CTSL: variants seen among roughly 807,000 people sequenced by gnomAD.
CTSL encodes cathepsin L, also known as procathepsin L.
A neutral mutation model predicts 34.7 loss-of-function variants in CTSL; 23 were observed. That is an observed-to-expected ratio of 0.66 (90% CI 0.48 to 0.94). CTSL has a LOEUF of 0.94. CTSL is among the 40% of genes least tolerant of loss of function. The probability of loss-of-function intolerance (pLI) is 0.00; values close to 1 mark genes in which losing one functional copy is unlikely to be tolerated. For missense variants in CTSL, 361 were observed against 406.3 expected, an observed-to-expected ratio of 0.89 and a Z score of 0.96; for synonymous variants, 129 against 136.7, an observed-to-expected ratio of 0.94 and a Z score of 0.39.
At position 87,728,282 on chromosome 9, in the gene CTSL, C is replaced by T. The variant is rs1185055699; in HGVS notation, c.282C>T (p.Gly94=). 1 of 1,614,150 alleles carries T rather than the reference C, an allele frequency of 6.2e-7. No individual in the cohort carries two copies. The highest frequency in any genetic ancestry group is 1.1e-5 in the South Asian group (1 of 91,074). Residue 94 remains glycine, a synonymous_variant, in exon 4 of 8, where the codon GGC becomes GGT. Transcript: ENST00000343150. ...TSEEFRQVMN[G]FQNRKPRKGK... is the part of the protein sequence containing the mutation. ...AAGAATTCAGGCAGGTGATGAATGG[C>T]TTTCAAAACCGTAAGCCCAGGAAGG...
chr9:87,731,174 A>G lies in CTSL; in HGVS notation c.*67A>G. The stretch of plus-strand genomic sequence containing the variant: ...GCATGCATGGGAGGAATTCATCTTC[A>G]GTCTACCAGCCCCCGCTGTGTCGGA... On this transcript the variant is annotated 3_prime_UTR_variant, in exon 8 of 8. Coordinates refer to ENST00000343150, the MANE Select transcript of CTSL (RefSeq NM_001912.5). The G allele has an allele frequency of 8.4e-7, 1 of 1,196,204 alleles. No individual in the cohort carries two copies. Among genetic ancestry groups the G allele is most frequent in the African/African-American group, 1.5e-5 (1 of 66,990 alleles). 74.1% of individuals were successfully genotyped at this position (1,196,204 alleles called of 1,614,324 possible).
chr9:87,730,957 CCCTTTG>C, intron 7 of CTSL, 45 bp from the exon 8 acceptor site: 1 of 1,490,314 alleles, frequency 6.7e-7, no homozygotes, highest in Non-Finnish European at 9.3e-7. Flanking sequence ...CTGTTAATAA[CCCTTTG>C]GGCTTTATTC....
rs561376102 is a variant in CTSL, at chr9:87,729,506, C to T, written c.622-67C>T. 3.9e-5 allele frequency: 56 copies of T among 1,436,544 alleles called. 1 individual carries two copies. The African/African-American group carries it at 7.1e-4, about 18-fold the overall frequency. 89.0% of individuals were successfully genotyped at this position (1,436,544 alleles called of 1,614,324 possible). On this transcript the variant is annotated intron_variant, in intron 5 of 7. Coordinates refer to ENST00000343150, the MANE Select transcript of CTSL (RefSeq NM_001912.5). The stretch of plus-strand genomic sequence containing the variant: ...CTGCACACTGCTGAGTGTTGTGGTT[C>T]TAACTCATGTTCTCCAGGAGGAGGA...
At chr9:87,730,638 G>T in intron 7 of CTSL, 140 bp downstream of exon 7, 1 of 605,318 alleles carries the variant, frequency 1.7e-6, no homozygotes, top group Non-Finnish European at 2.8e-6. Flanking sequence ...TAATATTAAT[G>T]TTTGATTATA....
At chr9:87,726,584 T>C (rs1267759714) in intron 1 of CTSL, among the ~76,000 whole-genome samples, 186 bp downstream of exon 1, 1 of 152,230 alleles carries the variant, frequency 6.6e-6, no homozygotes, top group Non-Finnish European at 1.5e-5. Context: ...CCCTGGAAGC[T>C]GGCTGCAGGG....
chr9:87,730,890 T>G (rs941405833), intron 7 of CTSL, 118 bp from the exon 8 acceptor site: 3 of 752,564 alleles, frequency 4.0e-6, no homozygotes, highest in African/African-American at 1.8e-5. Context: ...ACATTGCCTG[T>G]CCTGATTCTT....
At chr9:87,729,834 A>T (rs1826189511) in intron 6 of CTSL, 99 bp downstream of exon 6, 1 of 1,176,364 alleles carries the variant, frequency 8.5e-7, no homozygotes, top group Non-Finnish European at 1.2e-6. Flanking sequence ...CAGTGTAGAT[A>T]TTTAGGTGCT....
intron 6 of CTSL, 93 bp downstream of exon 6, chr9:87,729,828 G>T (rs1740777376): frequency 7.7e-7 from 1 of 1,305,094 alleles, no homozygotes; most frequent in Non-Finnish European, 1.0e-6. Context: ...AAAGTTCAGT[G>T]TAGATATTTA....
In CTSL at chr9:87,727,575, AT is replaced by A; in HGVS notation, c.-10-14del. ...TTAGGATTGGTCTAATCAGATCCTC[AT>A]TTTTGTTCCCTTCCTAGGTTTTAAA... is the stretch of plus-strand genomic sequence containing the variant. On this transcript the variant is annotated intron_variant, in intron 1 of 7. Transcript: ENST00000343150. 6.2e-7 allele frequency: 1 copy of A among 1,613,026 alleles called. No individual in the cohort carries two copies. The highest frequency in any genetic ancestry group is 8.5e-7 in the Non-Finnish European group (1 of 1,179,770).
In CTSL at chr9:87,731,160, A is replaced by C. The variant is rs917052678; in HGVS notation, c.*53A>C. On this transcript the variant is annotated 3_prime_UTR_variant, in exon 8 of 8. Transcript: ENST00000343150. Reference sequence around the variant, plus strand: ...TGACTGGGGATGGCGCATGCATGGGAGGAATTCATCTTCAGTCTACCAGCC... The same window carrying C: ...TGACTGGGGATGGCGCATGCATGGGCGGAATTCATCTTCAGTCTACCAGCC... 7 of 1,393,906 alleles carry C rather than the reference A, an allele frequency of 5.0e-6. No individual in the cohort carries two copies. Among genetic ancestry groups the C allele is most frequent in the Non-Finnish European group, 7.1e-6 (7 of 985,344 alleles). 86.3% of individuals were successfully genotyped at this position (1,393,906 alleles called of 1,614,324 possible).
rs201971506 is a variant in CTSL at position 87,729,723 on chromosome 9, T to C, written c.772T>C (p.Phe258Leu). Residue 258 changes from phenylalanine to leucine, a missense_variant, in exon 6 of 8, where the codon TTC becomes CTC. Transcript: ENST00000343150. ...AIDAGHESFL[F>L]YKEGIYFEPD... ...TGATGCAGGTCATGAGTCCTTCCTG[T>C]TCTATAAAGAAGGTAAGCATATTTT... 4 of 1,604,038 alleles carry C rather than the reference T, an allele frequency of 2.5e-6. No individual in the cohort carries two copies. In the African/African-American group the frequency reaches 5.4e-5, roughly 22 times the overall value.
Position 87,728,069 on chromosome 9 carries a change from A to C in CTSL, c.169A>C (p.Lys57Gln), listed in dbSNP as rs777174238. 12 of 1,614,016 alleles carry C rather than the reference A, an allele frequency of 7.4e-6. No individual in the cohort carries two copies. The highest frequency in any genetic ancestry group is 1.0e-5 in the Non-Finnish European group (12 of 1,179,914). The stretch of plus-strand genomic sequence containing the variant: ...GAGAGCAGTGTGGGAGAAGAACATG[A>C]AGATGATTGAACTGCACAATCAGGA... Reference protein sequence around the residue: ...WRRAVWEKNMKMIELHNQEYR... With the variant: ...WRRAVWEKNMQMIELHNQEYR... The change falls in exon 3 of 8, where the codon AAG (lysine) becomes CAG (glutamine). Residue 57 changes from lysine (K) to glutamine (Q), a missense_variant. Coordinates refer to ENST00000343150, the MANE Select transcript of CTSL (RefSeq NM_001912.5).
In CTSL at chr9:87,728,766, A is replaced by T; in HGVS notation, c.578A>T (p.Asn193Ile). The change falls in exon 5 of 8, where the codon AAT becomes ATT. Residue 193 changes from asparagine to isoleucine, a missense_variant. By Grantham distance (149) the Asn-to-Ile change is moderately radical. Coordinates refer to ENST00000343150, the MANE Select transcript of CTSL (RefSeq NM_001912.5). ...MDYAFQYVQD[N>I]GGLDSEESYP... is the part of the protein sequence containing the mutation. ...TATGCTTTCCAGTATGTTCAGGATA[A>T]TGGAGGCCTGGACTCTGAGGAATCC... 6.2e-7 allele frequency: 1 copy of T among 1,614,242 alleles called. No homozygotes were observed. The highest frequency in any genetic ancestry group is 8.5e-7 in the Non-Finnish European group (1 of 1,180,050).
rs769383775 is a variant in CTSL at position 87,729,676 on chromosome 9, T to C, written c.725T>C (p.Val242Ala). The C allele has an allele frequency of 5.6e-6, 9 of 1,614,150 alleles. No individual in the cohort carries two copies. In the South Asian group the frequency reaches 8.8e-5, roughly 16 times the overall value. Residue 242 changes from valine to alanine, a missense_variant, in exon 6 of 8, where the codon GTG becomes GCG. Coordinates refer to ENST00000343150, the MANE Select transcript of CTSL (RefSeq NM_001912.5). ...EKALMKAVAT[V>A]GPISVAIDAG... The stretch of plus-strand genomic sequence containing the variant: ...GCCCTGATGAAGGCAGTTGCAACTG[T>C]GGGGCCCATTTCTGTTGCTATTGAT...
chr9:87,727,507 A>G, intron 1 of CTSL, 87 bp from the exon 2 acceptor site: 1 of 1,290,034 alleles, frequency 7.8e-7, no homozygotes. Flanking sequence ...TTTTTATTCT[A>G]CCATGGTGGC....
At chr9:87,727,912 G>T in intron 2 of CTSL, 115 bp from the exon 3 acceptor site, 1 of 1,507,666 alleles carries the variant, frequency 6.6e-7, no homozygotes, top group Non-Finnish European at 9.1e-7. Flanking sequence ...CCCCAGAGGT[G>T]TCAAGCCTTC....
chr9:87,729,635 C>T lies in CTSL; in HGVS notation c.684C>T (p.Ile228=). 2.5e-6 allele frequency: 4 copies of T among 1,614,128 alleles called. No homozygotes were observed. The highest frequency in any genetic ancestry group is 3.4e-6 in the Non-Finnish European group (4 of 1,180,008). ...CTAATGACACCGGCTTTGTGGACAT[C>T]CCTAAGCAGGAGAAGGCCCTGATGA... The part of the protein sequence containing the change: ...SVANDTGFVD[I]PKQEKALMKA... The change falls in exon 6 of 8, where the codon ATC becomes ATT. Residue 228 remains isoleucine, a synonymous_variant. Coordinates refer to ENST00000343150, the MANE Select transcript of CTSL (RefSeq NM_001912.5).
chr9:87,730,565 G>T, intron 7 of CTSL, 67 bp downstream of exon 7: 1 of 1,142,792 alleles, frequency 8.8e-7, no homozygotes, highest in Non-Finnish European at 1.3e-6. Flanking sequence ...AACAGTGTTT[G>T]GATACAGTTC....
In CTSL at chr9:87,731,186, C is replaced by G; in HGVS notation, c.*79C>G. The G allele has an allele frequency of 2.9e-6, 3 of 1,047,552 alleles. No individual in the cohort carries two copies. The highest frequency in any genetic ancestry group is 4.3e-6 in the Non-Finnish European group (3 of 690,918). The allele number at this position is 1,047,552 out of a possible 1,614,324, so 64.9% of individuals were successfully genotyped here. On this transcript the variant is annotated 3_prime_UTR_variant, in exon 8 of 8. Transcript: ENST00000343150. The stretch of plus-strand genomic sequence containing the variant: ...GGAATTCATCTTCAGTCTACCAGCC[C>G]CCGCTGTGTCGGATACACACTCGAA...
Sources: allele counts gnomAD v4.1 joint callset (sites outside exome capture counted in the v4.1 genomes callset), GRCh38; gene constraint gnomAD v4.1.1; transcripts MANE v1.5; gene names NCBI Gene and HGNC (gene_info 2026-07-23, HGNC 2026-07-21).